ARHGEF7: variants seen among roughly 807,000 people sequenced by gnomAD.
ARHGEF7 encodes the protein Rho guanine nucleotide exchange factor 7, also known as PAK-interacting exchange factor beta.
In ARHGEF7, 33 loss-of-function variants were observed where a neutral mutation model predicts 109.8. The ratio of observed to expected loss-of-function variants is 0.30; its 90% CI spans 0.23 to 0.40. The LOEUF (loss-of-function observed/expected upper bound fraction) is 0.40. Ranked by LOEUF, ARHGEF7 falls within the 10% of genes least tolerant of loss-of-function variation. The probability of loss-of-function intolerance (pLI) is 1.00; values close to 1 mark genes in which losing one functional copy is unlikely to be tolerated. For synonymous variants in ARHGEF7, 458 were observed against 424.6 expected (o/e 1.08, Z -0.97); for missense variants, 938 against 1,098.5 (o/e 0.85, Z 2.07).
At chr13:111,259,121 A>G (rs549137201) in intron 8 of ARHGEF7, among the ~76,000 whole-genome samples, 5 of 152,300 alleles carry the variant, frequency 3.3e-5, no homozygotes, top group Admixed American at 2.6e-4. Context: ...TGGCTCGCAG[A>G]TGGCATCTCT....
intron 2 of ARHGEF7, among the ~76,000 whole-genome samples, chr13:111,172,273 G>C (rs951253665): frequency 1.3e-5 from 2 of 151,910 alleles, no homozygotes; most frequent in Non-Finnish European, 2.9e-5. Flanking sequence ...ATGTGGTCCT[G>C]GAAGTATATA....
intron 15 of ARHGEF7, among the ~76,000 whole-genome samples, chr13:111,281,290 G>T (rs2092768122): frequency 6.8e-6 from 1 of 148,064 alleles, no homozygotes; most frequent in African/African-American, 2.5e-5. Flanking sequence ...AGTTGGTATC[G>T]GGTTGTTTTA....
rs374040800 is a variant in ARHGEF7 at position 111,221,215 on chromosome 13, G to A, written c.670+3335G>A. Among the ~76,000 whole-genome samples the A allele has an allele frequency of 1.4e-3, 36 of 26,472 alleles. 3 individuals are homozygous for A. Among genetic ancestry groups the A allele is most frequent in the African/African-American group, 2.4e-3 (16 of 6,798 alleles). 17.4% of individuals were successfully genotyped at this position (26,472 alleles called of 152,430 possible). A position where few individuals can be genotyped will look rare whatever the true frequency, so the allele number is the denominator to read the frequency against. Reference sequence around the variant, plus strand: ...TATATATATCTATATAGATATATATGTCTATATATATCTATATAGATATAT... The same window carrying A: ...TATATATATCTATATAGATATATATATCTATATATATCTATATAGATATAT... On this transcript the variant is annotated intron_variant, in intron 5 of 21. Transcript: ENST00000646102.
chr13:111,249,068 G>T (rs1354867660), intron 8 of ARHGEF7, among the ~76,000 whole-genome samples: 1 of 152,140 alleles, frequency 6.6e-6, no homozygotes, highest in African/African-American at 2.4e-5. Context: ...GTTCTGTTCT[G>T]CCGTCAGCCA....
At chr13:111,155,321 A>G (rs1468205527) in intron 2 of ARHGEF7, among the ~76,000 whole-genome samples, 1 of 152,244 alleles carries the variant, frequency 6.6e-6, no homozygotes, top group Non-Finnish European at 1.5e-5. Context: ...CAAATCTGTG[A>G]GGGCAGGTTA....
intron 8 of ARHGEF7, among the ~76,000 whole-genome samples, chr13:111,244,634 G>A (rs533159031): frequency 1.3e-4 from 20 of 152,302 alleles, no homozygotes; most frequent in East Asian, 3.9e-4. Flanking sequence ...TGAGTGCTGC[G>A]CAGGGGGCCT....
chr13:111,195,101 C>G (rs1454039008), intron 2 of ARHGEF7, among the ~76,000 whole-genome samples: 3 of 152,142 alleles, frequency 2.0e-5, no homozygotes, highest in African/African-American at 7.2e-5. Context: ...TTAACAATAT[C>G]CTGTAATACT....
intron 8 of ARHGEF7, among the ~76,000 whole-genome samples, chr13:111,245,893 CATTTAT>C (rs2088755334): frequency 6.6e-6 from 1 of 152,210 alleles, no homozygotes; most frequent in Non-Finnish European, 1.5e-5. Context: ...TGTATAACCA[CATTTAT>C]TTAAGAACAT....
Position 111,217,846 on chromosome 13 carries a change from C to A in ARHGEF7, c.636C>A (p.Phe212Leu). The A allele has an allele frequency of 6.2e-7, 1 of 1,613,638 alleles. No individual in the cohort carries two copies. Among genetic ancestry groups the A allele is most frequent in the Non-Finnish European group, 8.5e-7 (1 of 1,179,546 alleles). The change falls in exon 5 of 22, where the codon TTC becomes TTA. Residue 212 changes from phenylalanine to leucine, a missense_variant. Phe to Leu is a conservative substitution (Grantham distance 22, BLOSUM62 0). Around this residue, in one of 4 missense-constraint regions of ARHGEF7, gnomAD observed 585 missense variants for 723.6 expected, o/e 0.81. Transcript: ENST00000646102. ...EGTLNGRTGW[F>L]PSNYVREVKA... ...CACTCAACGGCCGGACCGGCTGGTTCCCCAGCAACTACGTGCGCGAGGTCA... is the reference window on the plus strand; with the variant it reads ...CACTCAACGGCCGGACCGGCTGGTTACCCAGCAACTACGTGCGCGAGGTCA...
intron 1 of ARHGEF7, among the ~76,000 whole-genome samples, chr13:111,142,316 T>C (rs2075383585): frequency 4.3e-5 from 1 of 23,304 alleles, no homozygotes; most frequent in South Asian, 1.2e-3. Flanking sequence ...ATGGGGAGGT[T>C]TTAATGGTTT....
At chr13:111,172,443 C>T (rs1477685135) in intron 2 of ARHGEF7, among the ~76,000 whole-genome samples, 1 of 152,188 alleles carries the variant, frequency 6.6e-6, no homozygotes, top group Non-Finnish European at 1.5e-5. Flanking sequence ...TCTCCAGTTC[C>T]AAGTCACGTG....
intron 8 of ARHGEF7, among the ~76,000 whole-genome samples, chr13:111,259,492 A>G (rs1404772094): frequency 2.0e-5 from 3 of 152,224 alleles, no homozygotes; most frequent in African/African-American, 7.2e-5. Context: ...ATTTTGTTCA[A>G]GAACACCGTG....
chr13:111,304,578 C>A lies in ARHGEF7; in HGVS notation c.*1465C>A, dbSNP rs1261563880. On this transcript the variant is annotated 3_prime_UTR_variant, in exon 22 of 22. Coordinates refer to ENST00000646102, the MANE Select transcript of ARHGEF7 (RefSeq NM_001354046.2). ...TGGCCAAATTGCCCTTTAACTGCAC[C>A]TGAATCCTTTGTGTACTGATGCCTT... The A allele has an allele frequency of 6.6e-6, 1 of 152,264 alleles. No individual in the cohort carries two copies. Among genetic ancestry groups the A allele is most frequent in the Non-Finnish European group, 1.5e-5 (1 of 68,044 alleles). 9.4% of individuals were successfully genotyped at this position (152,264 alleles called of 1,614,324 possible).
chr13:111,184,409 T>C (rs1422842680), intron 2 of ARHGEF7, among the ~76,000 whole-genome samples: 1 of 152,214 alleles, frequency 6.6e-6, no homozygotes, highest in East Asian at 1.9e-4. Context: ...CTAGAGAGGA[T>C]AGGTCTTTCT....
At chr13:111,261,941 A>G (rs887571513) in intron 8 of ARHGEF7, among the ~76,000 whole-genome samples, 6 of 152,202 alleles carry the variant, frequency 3.9e-5, no homozygotes, top group African/African-American at 1.4e-4. Context: ...ACAGCATACC[A>G]AAACCTATGG....
chr13:111,153,121 T>C (rs2075982870), intron 1 of ARHGEF7, among the ~76,000 whole-genome samples: 1 of 152,278 alleles, frequency 6.6e-6, no homozygotes, highest in South Asian at 2.1e-4. Flanking sequence ...ATAATTTATG[T>C]TGCTTAATTA....
At position 111,228,267 on chromosome 13, in the gene ARHGEF7, GAC is replaced by G. The variant is rs1230651125; in HGVS notation, c.671-4932_671-4931del. ...GCTGACATCAGAAAGCCATTGTTTT[GAC>G]ACACAGGAAGATCTGAATATAGACT... On this transcript the variant is annotated intron_variant, in intron 5 of 21. Coordinates refer to ENST00000646102, the MANE Select transcript of ARHGEF7 (RefSeq NM_001354046.2). The surrounding 1 kb of genome is among the most constrained non-coding windows in gnomAD (Gnocchi z 4.6). Among the ~76,000 whole-genome samples, 1 of 152,202 alleles carries G rather than the reference GAC, an allele frequency of 6.6e-6. No homozygotes were observed. Among genetic ancestry groups the G allele is most frequent in the Non-Finnish European group, 1.5e-5 (1 of 68,032 alleles).
At chr13:111,238,398 C>G (rs1366371908) in intron 6 of ARHGEF7, among the ~76,000 whole-genome samples, 2 of 152,188 alleles carry the variant, frequency 1.3e-5, no homozygotes, top group Non-Finnish European at 2.9e-5. Context: ...AGGCCTCCAG[C>G]AAAGTGCTGG....
chr13:111,122,172 T>G (rs970576366), intron 1 of ARHGEF7, among the ~76,000 whole-genome samples: 55 of 152,232 alleles, frequency 3.6e-4, no homozygotes, highest in Admixed American at 3.6e-3. Flanking sequence ...CAGGGCCCTC[T>G]GGTCAGCGCC....
Sources: allele counts gnomAD v4.1 joint callset (sites outside exome capture counted in the v4.1 genomes callset), GRCh38; gene constraint gnomAD v4.1.1; regional missense constraint gnomAD v4.1.1; non-coding constraint Gnocchi (gnomAD v3.1); transcripts MANE v1.5; gene names NCBI Gene and HGNC (gene_info 2026-07-23, HGNC 2026-07-21).